The following HIGD1C variants were observed in gnomAD, a reference collection of about 807,000 sequenced individuals.
HIGD1C encodes HIG1 hypoxia inducible domain family member 1C.
In HIGD1C, 11 loss-of-function variants were observed where a neutral mutation model predicts 13.1. The ratio of observed to expected loss-of-function variants is 0.84; its 90% CI spans 0.53 to 1.39. HIGD1C has a LOEUF of 1.39. Ranked by LOEUF, HIGD1C falls within the 40% of genes most tolerant of loss-of-function variation. The probability of loss-of-function intolerance (pLI) is 0.00; values close to 1 mark genes in which losing one functional copy is unlikely to be tolerated. For missense variants in HIGD1C, 110 were observed against 112.0 expected (o/e 0.98, Z 0.08); for synonymous variants, 36 against 37.7 (o/e 0.95, Z 0.17).
intron 2 of HIGD1C, among the ~76,000 whole-genome samples, chr12:50,962,464 C>T (rs955478823): frequency 6.6e-6 from 1 of 151,882 alleles, no homozygotes; most frequent in Non-Finnish European, 1.5e-5. Flanking sequence ...CTTTGGGAGG[C>T]CAAGGCAGGA....
At chr12:50,934,695 G>T in the HIGD1C span, among the ~76,000 whole-genome samples, 1 of 152,236 alleles carries the variant, frequency 6.6e-6, no homozygotes, top group East Asian at 1.9e-4. Flanking sequence ...AATGAAAAAA[G>T]AATATTTCAG....
At chr12:50,948,934 A>AGGG (rs1406934923), upstream of HIGD1C, among the ~76,000 whole-genome samples, 2 of 11,598 alleles carry the variant, frequency 1.7e-4, no homozygotes, top group Non-Finnish European at 2.7e-4. Context: ...GGGGGAGGGG[A>AGGG]GGAGGAGGAG....
the HIGD1C span, among the ~76,000 whole-genome samples, chr12:50,939,190 C>T: frequency 3.9e-5 from 6 of 152,308 alleles, no homozygotes; most frequent in South Asian, 1.2e-3. Context: ...CTCTGTCACC[C>T]AGGGTAGAAT....
the HIGD1C span, among the ~76,000 whole-genome samples, chr12:50,943,707 C>CA: frequency 0.018 from 2,382 of 132,104 alleles, 53 homozygotes; most frequent in African/African-American, 0.055. Flanking sequence ...GACTCTGTCT[C>CA]AAAAAAAAAA....
At chr12:50,961,094 T>C in exon 2 of HIGD1C, 2 of 1,613,918 alleles carry the variant, frequency 1.2e-6, no homozygotes, top group Non-Finnish European at 1.7e-6. Context: ...GTTGGAGCTG[T>C]GACTCTAGGT....
At chr12:50,934,443 A>G in the HIGD1C span, among the ~76,000 whole-genome samples, 1 of 152,240 alleles carries the variant, frequency 6.6e-6, no homozygotes, top group African/African-American at 2.4e-5. Flanking sequence ...GGCACTTAAT[A>G]TAGGTTGACT....
downstream of HIGD1C, among the ~76,000 whole-genome samples, chr12:50,970,867 TTTTC>T (rs760983773): frequency 8.1e-5 from 12 of 147,264 alleles, no homozygotes; most frequent in Admixed American, 1.4e-4. Context: ...AAGACTTCTC[TTTTC>T]TTTATTTTAT....
At chr12:50,945,320 G>T in the HIGD1C span, among the ~76,000 whole-genome samples, 2 of 152,096 alleles carry the variant, frequency 1.3e-5, no homozygotes, top group Non-Finnish European at 2.9e-5. Context: ...GACATGATTG[G>T]ATATTTAGAA....
At chr12:50,939,309 A>G in the HIGD1C span, among the ~76,000 whole-genome samples, 1 of 152,094 alleles carries the variant, frequency 6.6e-6, no homozygotes, top group Non-Finnish European at 1.5e-5. Flanking sequence ...CACCACACCC[A>G]GCTAATTTTT....
the HIGD1C span, among the ~76,000 whole-genome samples, chr12:50,942,052 T>C: frequency 1.3e-5 from 2 of 152,076 alleles, no homozygotes; most frequent in Admixed American, 1.3e-4. Context: ...GGCTAATTTT[T>C]TTGTATTTTT....
At chr12:50,954,709 T>C (rs761824546) in intron 1 of HIGD1C, among the ~76,000 whole-genome samples, 13 of 151,964 alleles carry the variant, frequency 8.6e-5, no homozygotes, top group South Asian at 2.1e-4. Context: ...CTGGGTGACA[T>C]AGTGAGACCC....
At position 50,962,821 on chromosome 12, in the gene HIGD1C, G is replaced by C. The variant is rs76664635; in HGVS notation, c.229+1719G>C. ...AAACCATGTACTGAACCAAGAATAA[G>C]GAGGAATTAACTAAGCAGAGAAGGA... On this transcript the variant is annotated intron_variant, in intron 2 of 2. Coordinates refer to ENST00000398455, the Ensembl canonical transcript of HIGD1C. 7.3e-4 allele frequency among the ~76,000 whole-genome samples: 111 copies of C among 152,244 alleles called. No individual in the cohort carries two copies. The East Asian group carries it at 0.016, about 21-fold the overall frequency.
At chr12:50,960,089 A>C (rs1029193820) in intron 1 of HIGD1C, among the ~76,000 whole-genome samples, 1 of 152,222 alleles carries the variant, frequency 6.6e-6, no homozygotes, top group Non-Finnish European at 1.5e-5. Flanking sequence ...TTGTCACAGC[A>C]GTATATTCAC....
At chr12:50,935,655 A>AT in the HIGD1C span, among the ~76,000 whole-genome samples, 2 of 151,936 alleles carry the variant, frequency 1.3e-5, no homozygotes, top group Admixed American at 6.6e-5. Flanking sequence ...CACCTGGTTA[A>AT]TTTTTTTATT....
intron 1 of HIGD1C, among the ~76,000 whole-genome samples, chr12:50,958,784 T>C (rs1939211727): frequency 6.6e-6 from 1 of 151,364 alleles, no homozygotes. Context: ...CAGGAGGCTG[T>C]GGTGGGTGGA....
intron 2 of HIGD1C, among the ~76,000 whole-genome samples, chr12:50,961,456 G>A (rs1000398972): frequency 6.6e-6 from 1 of 152,096 alleles, no homozygotes. Context: ...TAAGAGCAGC[G>A]ATCGTATTTC....
the HIGD1C span, among the ~76,000 whole-genome samples, chr12:50,941,071 C>T: frequency 2.0e-5 from 3 of 152,002 alleles, no homozygotes; most frequent in Non-Finnish European, 4.4e-5. Flanking sequence ...CACTGTATTG[C>T]CCAGGCTGGG....
chr12:50,960,861 T>A, intron 1 of HIGD1C, 107 bp from the exon 4 acceptor site: 1 of 958,482 alleles, frequency 1.0e-6, no homozygotes, highest in South Asian at 2.1e-5. Flanking sequence ...TTTTTTTTTT[T>A]TAGAGATGGG....
rs74492956 is a variant in HIGD1C at position 50,954,770 on chromosome 12, C to G, written c.94+678C>G. ...AACAAAAAACCAAAAACTTCTGCAT[C>G]TAATGTTTTTAATGCTCTGTAGCAC... On this transcript the variant is annotated intron_variant, in intron 1 of 2. Coordinates refer to ENST00000398455, the Ensembl canonical transcript of HIGD1C. Among the ~76,000 whole-genome samples the G allele has an allele frequency of 3.3e-5, 5 of 152,228 alleles. No individual in the cohort carries two copies. The East Asian group carries it at 9.6e-4, about 29-fold the overall frequency.
Sources: allele counts gnomAD v4.1 joint callset (sites outside exome capture counted in the v4.1 genomes callset), GRCh38; gene constraint gnomAD v4.1.1; transcripts MANE v1.5; gene names NCBI Gene and HGNC (gene_info 2026-07-23, HGNC 2026-07-21).